The following ITGA3 variants were observed in gnomAD, a reference collection of about 807,000 sequenced individuals.
The protein encoded by ITGA3 is integrin alpha-3.
Under a neutral mutation model 131.1 loss-of-function variants are expected in ITGA3, and 70 were observed. The observed-to-expected ratio is 0.53, with a 90% CI of 0.44 to 0.65. ITGA3 has a LOEUF of 0.65. Among genes scored for constraint, ITGA3 ranks in the 30% least tolerant of loss-of-function variants. The pLI is 0.00. For missense variants in ITGA3, 1,098 were observed against 1,388.6 expected (o/e 0.79, Z 3.33); for synonymous variants, 537 against 571.6 (o/e 0.94, Z 0.86).
chr17:50,080,334 G>T lies in ITGA3; in HGVS notation c.2779G>T (p.Val927Leu). ...PIPDAPVVTN[V>L]TVKARVWNST... is the part of the protein sequence containing the mutation. ...CCCTGATGCCCCCGTTGTCACCAAC[G>T]TGACTGTGAAGGCACGAGTGTGGAA... Residue 927 changes from valine (V) to leucine (L), a missense_variant, in exon 22 of 26, where the codon GTG (valine) becomes TTG (leucine). Transcript: ENST00000320031. 1 of 1,613,500 alleles carries T rather than the reference G, an allele frequency of 6.2e-7. No homozygotes were observed. Among genetic ancestry groups the T allele is most frequent in the Non-Finnish European group, 8.5e-7 (1 of 1,179,824 alleles).
At chr17:50,059,822 G>A (rs1283798702) in intron 1 of ITGA3, among the ~76,000 whole-genome samples, 1 of 152,186 alleles carries the variant, frequency 6.6e-6, no homozygotes, top group Non-Finnish European at 1.5e-5. Flanking sequence ...ATACTGAAGA[G>A]CCAAGGAAAG....
At chr17:50,076,856 G>A in intron 14 of ITGA3, 118 bp from the exon 15 acceptor site, 1 of 1,263,400 alleles carries the variant, frequency 7.9e-7, no homozygotes, top group South Asian at 1.3e-5. Context: ...AGAGGACGGG[G>A]CCTGGCTGTC....
chr17:50,061,716 C>T (rs1908088927), intron 1 of ITGA3, among the ~76,000 whole-genome samples: 1 of 152,202 alleles, frequency 6.6e-6, no homozygotes, highest in African/African-American at 2.4e-5. Flanking sequence ...TTTCCCTCTG[C>T]TCCAGGTTCC....
chr17:50,062,195 A>G (rs1370607691), intron 1 of ITGA3, among the ~76,000 whole-genome samples: 4 of 152,086 alleles, frequency 2.6e-5, no homozygotes, highest in Non-Finnish European at 4.4e-5. Context: ...TGTAGAATAG[A>G]CCTATTTGTT....
intron 23 of ITGA3, among the ~76,000 whole-genome samples, chr17:50,085,156 C>T (rs536034486): frequency 4.8e-5 from 7 of 147,318 alleles, no homozygotes; most frequent in East Asian, 4.1e-4. Flanking sequence ...GAGCCAAGAT[C>T]GCACCACTGC....
rs113325642 is a variant in ITGA3, at chr17:50,079,261, A to G, written c.2583+3A>G. Reference sequence around the variant, plus strand: ...ACCCTCTCAACCTCACTCTTTCTGTAAGGACACTATCAGGGATATTTCATT... The same window carrying G: ...ACCCTCTCAACCTCACTCTTTCTGTGAGGACACTATCAGGGATATTTCATT... On this transcript the variant is annotated splice_donor_region_variant and intron_variant, in intron 20 of 25. Coordinates refer to ENST00000320031, the MANE Select transcript of ITGA3 (RefSeq NM_002204.4). The G allele has an allele frequency of 6.2e-7, 1 of 1,613,564 alleles. No individual in the cohort carries two copies. Among genetic ancestry groups the G allele is most frequent in the South Asian group, 1.1e-5 (1 of 91,072 alleles).
chr17:50,059,804 C>T (rs9894097), intron 1 of ITGA3, among the ~76,000 whole-genome samples: 33,045 of 152,090 alleles, frequency 0.22, 4,438 homozygotes, highest in East Asian at 0.4. Flanking sequence ...GGGTCAAATA[C>T]AGGAAAAATA....
At chr17:50,075,412 C>T (rs768727660) in intron 10 of ITGA3, 47 bp from the exon 11 acceptor site, 34 of 1,587,812 alleles carry the variant, frequency 2.1e-5, no homozygotes, top group Admixed American at 1.2e-4. Context: ...AGGGCCTGGA[C>T]GTGTGTGTCC....
chr17:50,088,181 C>G, intron 24 of ITGA3, 44 bp from the exon 25 acceptor site: 8 of 1,537,884 alleles, frequency 5.2e-6, no homozygotes, highest in Non-Finnish European at 7.0e-6. Context: ...GAGGATAGCC[C>G]AGCGCCCCCC....
chr17:50,076,435 C>T lies in ITGA3; in HGVS notation c.1784C>T (p.Pro595Leu), dbSNP rs754394137. 3.1e-6 allele frequency: 5 copies of T among 1,610,906 alleles called. No homozygotes were observed. The highest frequency in any genetic ancestry group is 1.6e-4 in the Middle Eastern group (1 of 6,084). The change falls in exon 13 of 26, where the codon CCG becomes CTG. Residue 595 changes from proline to leucine, a missense_variant. Transcript: ENST00000320031. ...RLGLRSLDAY[P>L]ILNQAQALEN... ...GGGCTGCGGTCCCTGGACGCCTACC[C>T]GATCCTCAACCAGGCACAGGCTCTG...
chr17:50,071,896 T>C, intron 6 of ITGA3, 90 bp from the exon 7 acceptor site: 1 of 1,190,124 alleles, frequency 8.4e-7, no homozygotes, highest in Non-Finnish European at 1.2e-6. Flanking sequence ...CAGAGCCCTG[T>C]GCCCTGGCAC....
chr17:50,079,135 G>A lies in ITGA3; in HGVS notation c.2460G>A (p.Trp820Ter), dbSNP rs1394721282. ...GLGTLVLGLE[W>*]PYEVSNGKWL... is the part of the protein sequence containing the mutation. ...GGACCCTGGTCCTAGGTCTGGAGTG[G>A]CCCTACGAAGTCAGCAATGGCAAGT... is the stretch of plus-strand genomic sequence containing the variant. Residue 820 changes from tryptophan (W) to a stop codon, truncating the protein, a stop_gained, in exon 20 of 26, where the codon TGG becomes TGA. Coordinates refer to ENST00000320031, the MANE Select transcript of ITGA3 (RefSeq NM_002204.4). LOFTEE classifies it high-confidence loss of function. The A allele has an allele frequency of 1.2e-6, 2 of 1,613,828 alleles. No individual in the cohort carries two copies. The highest frequency in any genetic ancestry group is 1.7e-6 in the Non-Finnish European group (2 of 1,179,984).
Position 50,075,699 on chromosome 17 carries a change from C to T in ITGA3, c.1638C>T (p.Pro546=), listed in dbSNP as rs537585938. Residue 546 remains proline (P), a synonymous_variant, in exon 12 of 26, where the codon CCC becomes CCT. Transcript: ENST00000320031. ...TCTTCCACGGCTTCTTCTCCATGCC[C>T]GAGATGCGCTGCCAGAAGCTGGAGC... ...SAVFHGFFSM[P]EMRCQKLELL... The T allele has an allele frequency of 1.3e-5, 21 of 1,614,022 alleles. No homozygotes were observed. Among genetic ancestry groups the T allele is most frequent in the African/African-American group, 8.0e-5 (6 of 74,930 alleles).
intron 1 of ITGA3, among the ~76,000 whole-genome samples, chr17:50,060,364 C>G (rs1188935327): frequency 6.6e-6 from 1 of 152,204 alleles, no homozygotes; most frequent in Admixed American, 6.5e-5. Flanking sequence ...CACCCCAGTG[C>G]CCCCAGGGGC....
chr17:50,071,858 C>T (rs1167583081), intron 6 of ITGA3, 128 bp from the exon 7 acceptor site: 4 of 778,802 alleles, frequency 5.1e-6, no homozygotes, highest in Admixed American at 5.6e-5. Flanking sequence ...CCTTCCCACC[C>T]ATGACCTGTG....
In ITGA3 at chr17:50,090,221, CTAGAGGTGGAGTTCT is replaced by C. The variant is rs1302958711; in HGVS notation, c.*1147_*1161del. 1 of 456,504 alleles carries C rather than the reference CTAGAGGTGGAGTTCT, an allele frequency of 2.2e-6. No homozygotes were observed. Among genetic ancestry groups the C allele is most frequent in the Admixed American group, 2.3e-5 (1 of 42,576 alleles). The allele number at this position is 456,504 out of a possible 1,614,324, so 28.3% of individuals were successfully genotyped here. On this transcript the variant is annotated 3_prime_UTR_variant, in exon 26 of 26. Transcript: ENST00000320031. ...CCCACGCTGACCATGCGTCAGGGGCCTAGAGGTGGAGTTCTTAGCTATCCTTGGCTTTCAGAGCCA... is the reference window on the plus strand; with the variant it reads ...CCCACGCTGACCATGCGTCAGGGGCCTAGCTATCCTTGGCTTTCAGAGCCA...
Position 50,079,490 on chromosome 17 carries a change from G to A in ITGA3, c.2639G>A (p.Gly880Glu). 2 of 1,580,746 alleles carry A rather than the reference G, an allele frequency of 1.3e-6. No homozygotes were observed. The highest frequency in any genetic ancestry group is 1.7e-6 in the Non-Finnish European group (2 of 1,163,466). ...CGCAGGCGGCGACAGCTGGATCCAG[G>A]GGGAGGCCAGGGCCCCCCACCTGTC... ...PQRRRRQLDP[G>E]GGQGPPPVTL... The change falls in exon 21 of 26, where the codon GGG (glycine) becomes GAG (glutamate). Residue 880 changes from glycine to glutamate, a missense_variant. By Grantham distance (98) the Gly-to-Glu change is moderately conservative. Transcript: ENST00000320031.
chr17:50,062,905 GCTC>G (rs1312437053), intron 1 of ITGA3, among the ~76,000 whole-genome samples: 1 of 152,276 alleles, frequency 6.6e-6, no homozygotes, highest in Non-Finnish European at 1.5e-5. Context: ...TTGAGCAGGG[GCTC>G]CTGGCAGAAC....
Position 50,078,302 on chromosome 17 carries a change from C to A in ITGA3, c.2297+18C>A. 5 of 1,599,900 alleles carry A rather than the reference C, an allele frequency of 3.1e-6. No homozygotes were observed. Among genetic ancestry groups the A allele is most frequent in the Non-Finnish European group, 4.3e-6 (5 of 1,168,968 alleles). ...CTTAGCATGTGGGTACCGCTCTCCA[C>A]CACCCCCACCCCAGCCTGCTGTGCC... On this transcript the variant is annotated intron_variant, in intron 18 of 25. Transcript: ENST00000320031.
Sources: allele counts gnomAD v4.1 joint callset (sites outside exome capture counted in the v4.1 genomes callset), GRCh38; gene constraint gnomAD v4.1.1; transcripts MANE v1.5; gene names NCBI Gene and HGNC (gene_info 2026-07-23, HGNC 2026-07-21).